CCDC91: variants seen among roughly 807,000 people sequenced by gnomAD.
The protein encoded by CCDC91 is coiled-coil domain containing 91, also known as coiled-coil domain-containing protein 91.
A neutral mutation model predicts 63.2 loss-of-function variants in CCDC91; 48 were observed. That is an observed-to-expected ratio of 0.76 (90% confidence interval 0.60 to 0.97). The LOEUF (loss-of-function observed/expected upper bound fraction) is 0.97. CCDC91 is among the 50% of genes least tolerant of loss of function. The pLI, the probability that CCDC91 is intolerant of heterozygous loss-of-function variation, is 0.00. For synonymous variants in CCDC91, 167 were observed against 165.8 expected, an observed-to-expected ratio of 1.01 and a Z score of -0.06; for missense variants, 500 against 494.6, an observed-to-expected ratio of 1.01 and a Z score of -0.10.
intron 1 of CCDC91, among the ~76,000 whole-genome samples, chr12:28,224,299 G>A (rs1381428240): frequency 6.6e-6 from 1 of 151,954 alleles, no homozygotes; most frequent in African/African-American, 2.4e-5. Flanking sequence ...GTTCCCAAAG[G>A]GCATGTTTCT....
chr12:28,320,631 T>C (rs1205854974), intron 6 of CCDC91, among the ~76,000 whole-genome samples: 1 of 151,916 alleles, frequency 6.6e-6, no homozygotes, highest in Non-Finnish European at 1.5e-5. Flanking sequence ...CAAATGCTTA[T>C]AAAATCAGTA....
chr12:28,351,652 A>T (rs527873821), intron 6 of CCDC91, among the ~76,000 whole-genome samples: 1 of 149,706 alleles, frequency 6.7e-6, no homozygotes, highest in Admixed American at 6.6e-5. Flanking sequence ...TTGCAACCGT[A>T]GATCTAACCT....
intron 1 of CCDC91, among the ~76,000 whole-genome samples, chr12:28,245,828 C>G (rs1308660093): frequency 6.6e-6 from 1 of 152,118 alleles, no homozygotes; most frequent in Non-Finnish European, 1.5e-5. Context: ...TGTATTCATG[C>G]CACCATTTTG....
chr12:28,373,132 T>C (rs1944726046), intron 7 of CCDC91, among the ~76,000 whole-genome samples: 1 of 152,218 alleles, frequency 6.6e-6, no homozygotes, highest in African/African-American at 2.4e-5. Flanking sequence ...TAGGCAGTTT[T>C]TGTTCGTTGA....
intron 11 of CCDC91, among the ~76,000 whole-genome samples, chr12:28,469,058 T>C (rs116508564): frequency 1.1e-3 from 163 of 152,204 alleles, no homozygotes; most frequent in African/African-American, 3.6e-3. Context: ...ATCACTCTTA[T>C]TCATCGTAGT....
intron 12 of CCDC91, among the ~76,000 whole-genome samples, chr12:28,521,471 G>T (rs1243703133): frequency 6.6e-6 from 1 of 152,060 alleles, no homozygotes; most frequent in Non-Finnish European, 1.5e-5. Context: ...GGAGATTTGG[G>T]GCTGAGACGA....
At chr12:28,238,881 A>G (rs1945141174) in intron 1 of CCDC91, among the ~76,000 whole-genome samples, 1 of 152,120 alleles carries the variant, frequency 6.6e-6, no homozygotes, top group African/African-American at 2.4e-5. Flanking sequence ...GCACTTTGGG[A>G]GGTCAAGATG....
intron 8 of CCDC91, among the ~76,000 whole-genome samples, chr12:28,417,073 A>G (rs914592499): frequency 1.3e-5 from 2 of 152,124 alleles, no homozygotes; most frequent in Non-Finnish European, 2.9e-5. Context: ...TGTTCAGTCC[A>G]TTGAATAATG....
chr12:28,450,974 A>G (rs1949775843), intron 10 of CCDC91, among the ~76,000 whole-genome samples: 2 of 151,754 alleles, frequency 1.3e-5, no homozygotes. Context: ...ATCAGATAAG[A>G]AAAATACTAT....
At chr12:28,347,073 A>G (rs956525372) in intron 6 of CCDC91, among the ~76,000 whole-genome samples, 1 of 152,198 alleles carries the variant, frequency 6.6e-6, no homozygotes, top group Non-Finnish European at 1.5e-5. Context: ...CTGGTTTTTG[A>G]CCATGGATTT....
At chr12:28,422,015 CTGG>C (rs1948045305) in intron 8 of CCDC91, among the ~76,000 whole-genome samples, 1 of 152,086 alleles carries the variant, frequency 6.6e-6, no homozygotes, top group Non-Finnish European at 1.5e-5. Context: ...TACTTGTCTC[CTGG>C]AGTCTTGTTT....
At chr12:28,265,578 A>T (rs1947132690) in intron 3 of CCDC91, among the ~76,000 whole-genome samples, 1 of 151,992 alleles carries the variant, frequency 6.6e-6, no homozygotes, top group African/African-American at 2.4e-5. Context: ...AGGAAAACCT[A>T]GGACAACAGA....
At chr12:28,468,136 A>G (rs146132051) in intron 11 of CCDC91, among the ~76,000 whole-genome samples, 105 of 152,096 alleles carry the variant, frequency 6.9e-4, no homozygotes, top group African/African-American at 2.3e-3. Flanking sequence ...CCAAAGATCA[A>G]TGAAACAAAA....
intron 1 of CCDC91, among the ~76,000 whole-genome samples, chr12:28,224,674 C>G (rs1944160231): frequency 6.6e-6 from 1 of 152,124 alleles, no homozygotes; most frequent in African/African-American, 2.4e-5. Flanking sequence ...TAATAATGAA[C>G]TTGGGTTTAA....
chr12:28,244,001 A>G (rs1307565367), intron 1 of CCDC91, among the ~76,000 whole-genome samples: 1 of 152,228 alleles, frequency 6.6e-6, no homozygotes, highest in Non-Finnish European at 1.5e-5. Context: ...CACTTTTAAT[A>G]TAGAGCTGGT....
chr12:28,335,022 T>C (rs1314246466), intron 6 of CCDC91, among the ~76,000 whole-genome samples: 1 of 146,232 alleles, frequency 6.8e-6, no homozygotes, highest in African/African-American at 2.5e-5. Flanking sequence ...TTTAAATATA[T>C]AAAAATATAT....
intron 1 of CCDC91, among the ~76,000 whole-genome samples, chr12:28,220,115 A>G (rs879468449): frequency 1.3e-5 from 2 of 152,042 alleles, no homozygotes; most frequent in Admixed American, 6.6e-5. Flanking sequence ...TTATCATTAC[A>G]TGGTTGAGTT....
chr12:28,275,085 C>G (rs944642655), intron 3 of CCDC91, among the ~76,000 whole-genome samples: 5 of 152,058 alleles, frequency 3.3e-5, no homozygotes, highest in African/African-American at 4.8e-5. Context: ...CAAACACATT[C>G]AAAAGCTAGC....
rs958593362 is a variant in CCDC91 at position 28,336,414 on chromosome 12, T to C, written c.577-26024T>C. 2.3e-4 allele frequency among the ~76,000 whole-genome samples: 35 copies of C among 152,188 alleles called. 1 individual carries two copies. The highest frequency in any genetic ancestry group is 8.2e-4 in the African/African-American group (34 of 41,580). On this transcript the variant is annotated intron_variant, in intron 6 of 12. Coordinates refer to ENST00000536442, the MANE Select transcript of CCDC91 (RefSeq NM_018318.5). Reference sequence around the variant, plus strand: ...AATAGAACAAAAAAGATTTATGCTGTGTATTATACATATTAGAAATTTTAG... The same window carrying C: ...AATAGAACAAAAAAGATTTATGCTGCGTATTATACATATTAGAAATTTTAG...
Sources: allele counts gnomAD v4.1 joint callset (sites outside exome capture counted in the v4.1 genomes callset), GRCh38; gene constraint gnomAD v4.1.1; transcripts MANE v1.5; gene names NCBI Gene and HGNC (gene_info 2026-07-23, HGNC 2026-07-21).